TSPAN14: variants seen among roughly 807,000 people sequenced by gnomAD.
TSPAN14 encodes the protein tetraspanin 14, also known as tetraspanin-14.
A neutral mutation model predicts 36.6 loss-of-function variants in TSPAN14; 16 were observed. The ratio of observed to expected loss-of-function variants is 0.44; its 90% CI spans 0.30 to 0.66. TSPAN14 has a LOEUF of 0.66. Ranked by LOEUF, TSPAN14 falls within the 30% of genes least tolerant of loss-of-function variation. The pLI is 0.12. For missense variants in TSPAN14, 231 were observed against 355.1 expected (o/e 0.65, Z 2.81); for synonymous variants, 139 against 143.8 (o/e 0.97, Z 0.24).
intron 2 of TSPAN14, among the ~76,000 whole-genome samples, chr10:80,503,479 C>T (rs1045390799): frequency 1.3e-5 from 2 of 151,980 alleles, no homozygotes; most frequent in Non-Finnish European, 2.9e-5. Flanking sequence ...CTTGGCCCTC[C>T]CTGGGCCCCA....
chr10:80,513,784 G>A lies in TSPAN14; in HGVS notation c.577-235G>A, dbSNP rs563692834. 9.8e-5 allele frequency among the ~76,000 whole-genome samples: 15 copies of A among 152,340 alleles called. No homozygotes were observed. In the South Asian group the frequency reaches 2.9e-3, roughly 29 times the overall value. On this transcript the variant is annotated intron_variant, in intron 6 of 8. Coordinates refer to ENST00000429989, the Ensembl canonical transcript of TSPAN14. ...ACAGATTGTCAGTGCCGGCTCTCAT[G>A]CAACAAAAGCGGAATTGAGTCTGTG...
chr10:80,519,226 C>T (rs1252481217), exon 9 of TSPAN14: 1 of 152,760 alleles, frequency 6.5e-6, no homozygotes, highest in Non-Finnish European at 1.5e-5. Context: ...GCTGCAGCTG[C>T]TCAGAAGCTC....
chr10:80,472,337 C>G (rs976832507), intron 1 of TSPAN14, among the ~76,000 whole-genome samples: 45 of 152,256 alleles, frequency 3.0e-4, no homozygotes, highest in African/African-American at 1.1e-3. Flanking sequence ...GTAAGGAATA[C>G]TGCGGAAATG....
At chr10:80,499,583 T>G (rs1407683537) in intron 2 of TSPAN14, among the ~76,000 whole-genome samples, 1 of 152,194 alleles carries the variant, frequency 6.6e-6, no homozygotes, top group African/African-American at 2.4e-5. Flanking sequence ...GATACTGTGT[T>G]GCCAGGGTCA....
chr10:80,474,474 G>A (rs1427779686), intron 1 of TSPAN14, among the ~76,000 whole-genome samples: 1 of 151,902 alleles, frequency 6.6e-6, no homozygotes, highest in Non-Finnish European at 1.5e-5. Context: ...AGGGGAGTGA[G>A]GGGAGGGGAG....
intron 7 of TSPAN14, chr10:80,515,871 A>G (rs1840913399): frequency 4.1e-6 from 1 of 243,868 alleles, no homozygotes; most frequent in African/African-American, 2.2e-5. Context: ...TTAGAGGCAC[A>G]TTTTCCTCCA....
At chr10:80,506,500 A>G (rs1840309844) in intron 3 of TSPAN14, among the ~76,000 whole-genome samples, 3 of 152,252 alleles carry the variant, frequency 2.0e-5, no homozygotes, top group Admixed American at 6.5e-5. Flanking sequence ...TAGTTCAACC[A>G]TAATCTAAGA....
At chr10:80,481,728 C>G (rs571693653) in intron 1 of TSPAN14, among the ~76,000 whole-genome samples, 8 of 152,164 alleles carry the variant, frequency 5.3e-5, no homozygotes, top group Non-Finnish European at 1.0e-4. Context: ...TGGGTTCAAG[C>G]GATTCTCCTG....
exon 9 of TSPAN14, chr10:80,519,027 C>G (rs1435351657): frequency 2.0e-5 from 3 of 152,846 alleles, no homozygotes; most frequent in African/African-American, 7.2e-5. Context: ...GAAATTGTCA[C>G]CCAGAATTTG....
intron 6 of TSPAN14, among the ~76,000 whole-genome samples, chr10:80,513,333 G>A (rs1049944144): frequency 2.0e-5 from 3 of 152,114 alleles, no homozygotes; most frequent in East Asian, 1.9e-4. Flanking sequence ...TGGGCCAGTT[G>A]CCAGCTCTCG....
rs1204150554 is a variant in TSPAN14 at position 80,509,385 on chromosome 10, C to T, written c.364C>T (p.Arg122Trp). Residue 122 changes from arginine to tryptophan, a missense_variant, in exon 5 of 9, where the codon CGG becomes TGG. Transcript: ENST00000429989. This position sits in a 1 kb window ranked among gnomAD's most constrained non-coding sequence, Gnocchi z 4.7. Reference sequence around the variant, plus strand: ...CCTGTTCCAGGACTGGGTGAGGGACCGGTTCCGGGAGTTCTTCGAGAGCAA... The same window carrying T: ...CCTGTTCCAGGACTGGGTGAGGGACTGGTTCCGGGAGTTCTTCGAGAGCAA... 4.3e-6 allele frequency: 7 copies of T among 1,613,972 alleles called. No homozygotes were observed. The highest frequency in any genetic ancestry group is 1.6e-4 in the Middle Eastern group (1 of 6,074).
At chr10:80,479,828 A>G (rs1847149585) in intron 1 of TSPAN14, among the ~76,000 whole-genome samples, 1 of 150,664 alleles carries the variant, frequency 6.6e-6, no homozygotes, top group Non-Finnish European at 1.5e-5. Context: ...AATTCTGTGA[A>G]GAAAGTCATT....
chr10:80,510,073 A>C (rs868371339), intron 5 of TSPAN14, among the ~76,000 whole-genome samples: 1 of 151,962 alleles, frequency 6.6e-6, no homozygotes, highest in Non-Finnish European at 1.5e-5. Flanking sequence ...TATCTCTCTC[A>C]TGTGTGGCTG....
chr10:80,470,252 T>C (rs1222999578), intron 1 of TSPAN14, among the ~76,000 whole-genome samples: 1 of 152,170 alleles, frequency 6.6e-6, no homozygotes. Context: ...GGCCTGCTAA[T>C]TTTTCTATTT....
At chr10:80,503,480 C>G (rs1848642765) in intron 2 of TSPAN14, among the ~76,000 whole-genome samples, 1 of 152,034 alleles carries the variant, frequency 6.6e-6, no homozygotes, top group Admixed American at 6.5e-5. Context: ...TTGGCCCTCC[C>G]TGGGCCCCAG....
At chr10:80,485,793 C>A in intron 1 of TSPAN14, 1 of 605,168 alleles carries the variant, frequency 1.7e-6, no homozygotes, top group Non-Finnish European at 2.1e-6. Flanking sequence ...TTCTTTTCAA[C>A]AGTTTATTGC....
chr10:80,498,446 C>A (rs2132030124), intron 2 of TSPAN14, among the ~76,000 whole-genome samples: 1 of 152,314 alleles, frequency 6.6e-6, no homozygotes, highest in East Asian at 1.9e-4. Context: ...CTGCTGTTTT[C>A]TTTCCATCAT....
intron 2 of TSPAN14, among the ~76,000 whole-genome samples, chr10:80,492,716 T>C (rs1281290567): frequency 1.3e-5 from 2 of 151,898 alleles, no homozygotes; most frequent in Non-Finnish European, 2.9e-5. Context: ...CTCAGGAGGC[T>C]GAGGCAGGAG....
At chr10:80,499,954 C>T (rs1199056285) in intron 2 of TSPAN14, among the ~76,000 whole-genome samples, 1 of 152,202 alleles carries the variant, frequency 6.6e-6, no homozygotes, top group Non-Finnish European at 1.5e-5. Flanking sequence ...CTCAGCTGAA[C>T]CCTCACTCCC....
Sources: allele counts gnomAD v4.1 joint callset (sites outside exome capture counted in the v4.1 genomes callset), GRCh38; gene constraint gnomAD v4.1.1; non-coding constraint Gnocchi (gnomAD v3.1); transcripts MANE v1.5; gene names NCBI Gene and HGNC (gene_info 2026-07-23, HGNC 2026-07-21).